Variants in COL5A1 observed in about 807,000 individuals in gnomAD.
The protein encoded by COL5A1 is collagen alpha-1(V) chain.
A neutral mutation model predicts 263.7 loss-of-function variants in COL5A1; 16 were observed. The observed-to-expected ratio is 0.06, with a 90% confidence interval of 0.04 to 0.09. COL5A1 has a LOEUF of 0.09. COL5A1 is among the 10% of genes least tolerant of loss of function. COL5A1 has a pLI of 1.00. For missense variants in COL5A1, 2,036 were observed against 2,540.5 expected (o/e 0.80, Z 4.27); for synonymous variants, 1,012 against 1,004.5 (o/e 1.01, Z -0.14).
chr9:134,802,165 C>T (rs1335972932), intron 38 of COL5A1, among the ~76,000 whole-genome samples, 158 bp downstream of exon 38: 12 of 152,220 alleles, frequency 7.9e-5, no homozygotes, highest in Admixed American at 3.3e-4. Context: ...GCGTGAGGCT[C>T]GCCCCACGCA....
chr9:134,700,493 A>G lies in COL5A1; in HGVS notation c.491+371A>G, dbSNP rs990969217. Among the ~76,000 whole-genome samples the G allele has an allele frequency of 6.6e-6, 1 of 152,152 alleles. No homozygotes were observed. Among genetic ancestry groups the G allele is most frequent in the Admixed American group, 6.5e-5 (1 of 15,282 alleles). ...CCTTCAAGGACACAGGTGTGTTAGGAGTGGGAGTGAGCATGAGAAAAAGCG... is the reference window on the plus strand; with the variant it reads ...CCTTCAAGGACACAGGTGTGTTAGGGGTGGGAGTGAGCATGAGAAAAAGCG... On this transcript the variant is annotated intron_variant, in intron 3 of 65. Coordinates refer to ENST00000371817, the MANE Select transcript of COL5A1 (RefSeq NM_000093.5). The surrounding 1 kb of genome is among the most constrained non-coding windows in gnomAD (Gnocchi z 4.0).
At position 134,818,394 on chromosome 9, in the gene COL5A1, G is replaced by C. The variant is rs566226963; in HGVS notation, c.4231-262G>C. 1.4e-4 allele frequency among the ~76,000 whole-genome samples: 21 copies of C among 152,166 alleles called. No individual in the cohort carries two copies. The highest frequency in any genetic ancestry group is 2.8e-4 in the Non-Finnish European group (19 of 68,016). ...AGGTTGTGCGGTTCCATCCCTGCTC[G>C]GGCAGTGGCGCTGTGACACCCGGTC... On this transcript the variant is annotated intron_variant, in intron 54 of 65. Coordinates refer to ENST00000371817, the MANE Select transcript of COL5A1 (RefSeq NM_000093.5). This position sits in a 1 kb window ranked among gnomAD's most constrained non-coding sequence, Gnocchi z 6.0.
chr9:134,659,308 G>C (rs1832128260), intron 1 of COL5A1, among the ~76,000 whole-genome samples: 1 of 152,186 alleles, frequency 6.6e-6, no homozygotes, highest in Non-Finnish European at 1.5e-5. Context: ...AGAATTGCTT[G>C]AACCTGGGCG....
intron 1 of COL5A1, among the ~76,000 whole-genome samples, chr9:134,670,554 T>TG (rs1322911092): frequency 6.6e-6 from 1 of 152,216 alleles, no homozygotes; most frequent in African/African-American, 2.4e-5. Context: ...GATTGTTTCC[T>TG]GGGCCTGTGG....
At chr9:134,840,433 C>A (rs539895375) in intron 65 of COL5A1, among the ~76,000 whole-genome samples, 2 of 152,268 alleles carry the variant, frequency 1.3e-5, no homozygotes, top group East Asian at 3.9e-4. Flanking sequence ...GTGAGCATGC[C>A]CATTTTCCAG....
At chr9:134,651,907 T>C (rs58509148) in intron 1 of COL5A1, among the ~76,000 whole-genome samples, 14,363 of 152,254 alleles carry the variant, frequency 0.094, 1,786 homozygotes, top group African/African-American at 0.28. Flanking sequence ...ATCCTCTTCC[T>C]GTGCTATTTC....
intron 63 of COL5A1, among the ~76,000 whole-genome samples, chr9:134,826,610 G>T (rs1157565153): frequency 6.7e-6 from 1 of 148,412 alleles, no homozygotes; most frequent in South Asian, 2.2e-4. Context: ...TATGTGGATG[G>T]TGTGTGTGTA....
At chr9:134,799,402 C>T (rs963230285) in intron 37 of COL5A1, among the ~76,000 whole-genome samples, 8 of 152,222 alleles carry the variant, frequency 5.3e-5, no homozygotes, top group Non-Finnish European at 8.8e-5. Flanking sequence ...CTCGTCACCA[C>T]GCTGTGTTCC....
intron 4 of COL5A1, among the ~76,000 whole-genome samples, chr9:134,713,732 CG>C (rs1834150826): frequency 6.6e-6 from 1 of 152,160 alleles, no homozygotes. Context: ...CAGGAATGCA[CG>C]CTGTCACAGG....
At chr9:134,684,463 C>T (rs1484216619) in intron 1 of COL5A1, among the ~76,000 whole-genome samples, 1 of 152,230 alleles carries the variant, frequency 6.6e-6, no homozygotes, top group East Asian at 1.9e-4. Context: ...GCCCAGGGCT[C>T]CATCCTCATG....
At chr9:134,796,452 G>A in intron 35 of COL5A1, 34 bp downstream of exon 35, 1 of 1,611,518 alleles carries the variant, frequency 6.2e-7, no homozygotes, top group South Asian at 1.1e-5. Context: ...GTGTCTCCAA[G>A]GGCAGAGCCT....
intron 2 of COL5A1, among the ~76,000 whole-genome samples, chr9:134,698,982 G>T (rs554283932): frequency 1.3e-5 from 2 of 152,238 alleles, no homozygotes; most frequent in African/African-American, 2.4e-5. Context: ...CTTCTGGCCC[G>T]TTCTGAGCAG....
intron 11 of COL5A1, among the ~76,000 whole-genome samples, chr9:134,747,724 GACACATGCACACATGCAA>G (rs1317448495): frequency 1.6e-5 from 2 of 122,862 alleles, no homozygotes; most frequent in African/African-American, 3.2e-5. Flanking sequence ...CACACATGCA[GACACATGCACACATGCAA>G]ACACATGCAC....
rs1386054223 is a variant in COL5A1 at position 134,765,185 on chromosome 9, C to T, written c.2035-496C>T. Among the ~76,000 whole-genome samples the T allele has an allele frequency of 1.3e-5, 2 of 152,152 alleles. No homozygotes were observed. The highest frequency in any genetic ancestry group is 2.9e-5 in the Non-Finnish European group (2 of 68,014). The stretch of plus-strand genomic sequence containing the variant: ...TTCTGCACATTCAGTCTTGGGGTTC[C>T]CACCAGGGACTAGTTTCACCTGGTG... On this transcript the variant is annotated intron_variant, in intron 20 of 65. Coordinates refer to ENST00000371817, the MANE Select transcript of COL5A1 (RefSeq NM_000093.5). This position sits in a 1 kb window ranked among gnomAD's most constrained non-coding sequence, Gnocchi z 5.1.
At chr9:134,736,276 C>T (rs73568444) in intron 9 of COL5A1, among the ~76,000 whole-genome samples, 31,381 of 152,246 alleles carry the variant, frequency 0.21, 3,398 homozygotes, top group East Asian at 0.36. Context: ...ACTTCATTGG[C>T]CCACAGTTCT....
intron 27 of COL5A1, among the ~76,000 whole-genome samples, chr9:134,776,674 AC>A (rs1837064729): frequency 6.6e-6 from 1 of 152,148 alleles, no homozygotes; most frequent in South Asian, 2.1e-4. Flanking sequence ...GTTATTTTCC[AC>A]CAAAGCCCTA....
At chr9:134,812,735 T>A (rs567292565) in intron 48 of COL5A1, 23 bp downstream of exon 48, 20 of 1,489,740 alleles carry the variant, frequency 1.3e-5, no homozygotes, top group Admixed American at 5.9e-5. Context: ...CCTGCTCTGG[T>A]GGCAGATTTG....
rs897432620 is a variant in COL5A1 at position 134,690,952 on chromosome 9, C to T, written c.150C>T (p.Asn50=). The T allele has an allele frequency of 5.6e-6, 9 of 1,613,772 alleles. No homozygotes were observed. The African/African-American group carries it at 8.0e-5, about 14-fold the overall frequency. The change falls in exon 2 of 66, where the codon AAC becomes AAT. Residue 50 remains asparagine, a synonymous_variant. Coordinates refer to ENST00000371817, the MANE Select transcript of COL5A1 (RefSeq NM_000093.5). ...ADLLKVLDFH[N]LPDGITKTTG... is the part of the protein sequence containing the mutation. ...TCCTGAAGGTTCTAGATTTTCACAA[C>T]TTGCCTGATGGAATAACAAAGACAA...
At chr9:134,735,563 C>T (rs1301235191) in intron 9 of COL5A1, among the ~76,000 whole-genome samples, 2 of 152,190 alleles carry the variant, frequency 1.3e-5, no homozygotes, top group Non-Finnish European at 2.9e-5. Context: ...TTCCCAGCTT[C>T]CTTCAGACGC....
Sources: gnomAD v4.1 joint callset for allele counts (sites outside exome capture counted in the v4.1 genomes callset) on GRCh38, gnomAD v4.1.1 for gene constraint, Gnocchi (gnomAD v3.1) non-coding constraint, MANE v1.5 for transcripts, NCBI Gene and HGNC (gene_info 2026-07-23, HGNC 2026-07-21) for gene names.